KLHL12: variants seen among roughly 807,000 people sequenced by gnomAD.
KLHL12 encodes kelch like family member 12.
A neutral mutation model predicts 60.8 loss-of-function variants in KLHL12; 17 were observed. The observed-to-expected ratio is 0.28, with a 90% confidence interval of 0.19 to 0.42. The LOEUF is 0.42. Ranked by LOEUF, KLHL12 falls within the 10% of genes least tolerant of loss-of-function variation. The pLI, the probability that KLHL12 is intolerant of heterozygous loss-of-function variation, is 1.00. For missense variants in KLHL12, 468 were observed against 722.3 expected, an observed-to-expected ratio of 0.65 and a Z score of 4.04; for synonymous variants, 220 against 250.9, an observed-to-expected ratio of 0.88 and a Z score of 1.16.
intron 6 of KLHL12, among the ~76,000 whole-genome samples, chr1:202,897,977 A>T (rs1659893113): frequency 6.6e-6 from 1 of 152,226 alleles, no homozygotes; most frequent in Non-Finnish European, 1.5e-5. Flanking sequence ...TAGAGTTTTA[A>T]AGGAAAAGTC....
At chr1:202,907,409 C>T (rs1424012567) in intron 6 of KLHL12, among the ~76,000 whole-genome samples, 1 of 150,952 alleles carries the variant, frequency 6.6e-6, no homozygotes, top group Non-Finnish European at 1.5e-5. Context: ...AGAGACCAGC[C>T]TGGTCAACAT....
At chr1:202,917,881 G>A (rs1051902647) in intron 4 of KLHL12, among the ~76,000 whole-genome samples, 2 of 152,188 alleles carry the variant, frequency 1.3e-5, no homozygotes, top group African/African-American at 4.8e-5. Flanking sequence ...GAGTGAACGG[G>A]TAATAGAGAA....
chr1:202,895,660 C>T lies in KLHL12; in HGVS notation c.997G>A (p.Val333Ile), dbSNP rs755872768. The T allele has an allele frequency of 2.2e-5, 35 of 1,613,998 alleles. No individual in the cohort carries two copies. The highest frequency in any genetic ancestry group is 2.6e-5 in the Non-Finnish European group (31 of 1,180,014). ...GAACGGCCATCATAGCCACCAATGA[C>T]GTAGATCCGGTCATGAAGGGACACT... The part of the protein sequence containing the change: ...ASVSLHDRIY[V>I]IGGYDGRSRL... The change falls in exon 8 of 12, where the codon GTC (valine) becomes ATC (isoleucine). Residue 333 changes from valine (V) to isoleucine (I), a missense_variant. Transcript: ENST00000367261. This position sits in a 1 kb window ranked among gnomAD's most constrained non-coding sequence, Gnocchi z 4.2.
At position 202,927,127 on chromosome 1, in the gene KLHL12, C is replaced by T. The variant is rs1352909311; in HGVS notation, c.-84G>A. 7 of 985,422 alleles carry T rather than the reference C, an allele frequency of 7.1e-6. No homozygotes were observed. In the Admixed American group the frequency reaches 4.3e-4, roughly 61 times the overall value. 61.0% of individuals were successfully genotyped at this position (985,422 alleles called of 1,614,324 possible). On this transcript the variant is annotated 5_prime_UTR_variant, in exon 1 of 12. Transcript: ENST00000367261. ...CCCACACAGCCGCACCGGGCCCGTCCCCAGCCTGTGGGGATGGAGTGCGGC... is the reference window on the plus strand; with the variant it reads ...CCCACACAGCCGCACCGGGCCCGTCTCCAGCCTGTGGGGATGGAGTGCGGC...
rs185432602 is a variant in KLHL12, at chr1:202,907,182, G to A, written c.832+1828C>T. Among the ~76,000 whole-genome samples the A allele has an allele frequency of 2.4e-3, 363 of 152,198 alleles. 1 individual carries two copies. The highest frequency in any genetic ancestry group is 8.4e-3 in the African/African-American group (349 of 41,538). ...ACCATCTACAATGCCCTATCTAAAA[G>A]TTCTCTTTTTAAAAAAATGCAGTAT... On this transcript the variant is annotated intron_variant, in intron 6 of 11. Transcript: ENST00000367261.
At chr1:202,926,104 CAAAAA>C (rs368473168) in intron 1 of KLHL12, among the ~76,000 whole-genome samples, 1 of 59,528 alleles carries the variant, frequency 1.7e-5, no homozygotes. Context: ...GACTCTGTCT[CAAAAA>C]AAAAAAAAAA....
intron 6 of KLHL12, among the ~76,000 whole-genome samples, chr1:202,908,177 A>G (rs1557992685): frequency 6.6e-6 from 1 of 152,352 alleles, no homozygotes; most frequent in Middle Eastern, 3.4e-3. Flanking sequence ...AGTGTGTGCC[A>G]GCTATAGTGT....
chr1:202,912,692 C>T (rs1660403269), intron 4 of KLHL12: 6 of 1,318,378 alleles, frequency 4.6e-6, no homozygotes, highest in Non-Finnish European at 6.5e-6. Flanking sequence ...ATGGTGGTTT[C>T]AGTAGCAGCA....
intron 2 of KLHL12, among the ~76,000 whole-genome samples, chr1:202,923,077 TG>T (rs1371933629): frequency 2.0e-5 from 3 of 152,226 alleles, no homozygotes; most frequent in Non-Finnish European, 4.4e-5. Flanking sequence ...TCCAGGTCTC[TG>T]GACTCTCTCC....
Position 202,927,167 on chromosome 1 carries a change from CGG to C in KLHL12, c.-126_-125del. On this transcript the variant is annotated 5_prime_UTR_variant, in exon 1 of 12. Transcript: ENST00000367261. ...TGGAGTGCGGCGCGGGGCTAGCAGG[CGG>C]CTCGGGAGGAGCCGAAGCGCCGCCC... 1.0e-6 allele frequency: 1 copy of C among 985,324 alleles called. No homozygotes were observed. The highest frequency in any genetic ancestry group is 1.2e-6 in the Non-Finnish European group (1 of 829,938). 61.0% of individuals were successfully genotyped at this position (985,324 alleles called of 1,614,324 possible). A position where few individuals can be genotyped will look rare whatever the true frequency, so the allele number is the denominator to read the frequency against.
chr1:202,926,362 T>C (rs1430083048), intron 1 of KLHL12, among the ~76,000 whole-genome samples: 2 of 152,166 alleles, frequency 1.3e-5, no homozygotes, highest in South Asian at 2.1e-4. Context: ...CAATTAATCT[T>C]TCAACAGGAA....
chr1:202,919,680 T>G, intron 3 of KLHL12, 75 bp downstream of exon 3: 1 of 1,384,418 alleles, frequency 7.2e-7, no homozygotes, highest in Non-Finnish European at 9.8e-7. Context: ...TGTTCATGAT[T>G]AAGTTTACAC....
In KLHL12 at chr1:202,894,677, A is replaced by C; in HGVS notation, c.1208T>G (p.Ile403Ser). ...ATCTCCCAGCATGCTCCACTGGTCA[A>C]TGTTTGGATCATAGCGCTCCATACT... ...HTSMERYDPN[I>S]DQWSMLGDMQ... Residue 403 changes from isoleucine to serine, a missense_variant, in exon 9 of 12, where the codon ATT becomes AGT. By Grantham distance (142) the Ile-to-Ser change is moderately radical (BLOSUM62 -2). Around this residue, in one of 4 missense-constraint regions of KLHL12, gnomAD observed 339 missense variants for 525.0 expected, o/e 0.65. Transcript: ENST00000367261. 1 of 1,614,144 alleles carries C rather than the reference A, an allele frequency of 6.2e-7. No homozygotes were observed.
At position 202,895,359 on chromosome 1, in the gene KLHL12, A is replaced by G. The variant is rs1659800322; in HGVS notation, c.1135+163T>C. 6.6e-6 allele frequency among the ~76,000 whole-genome samples: 1 copy of G among 152,076 alleles called. No individual in the cohort carries two copies. Among genetic ancestry groups the G allele is most frequent in the African/African-American group, 2.4e-5 (1 of 41,386 alleles). On this transcript the variant is annotated intron_variant, in intron 8 of 11. Coordinates refer to ENST00000367261, the MANE Select transcript of KLHL12 (RefSeq NM_021633.4). The surrounding 1 kb of genome is among the most constrained non-coding windows in gnomAD (Gnocchi z 4.2). ...CAGTGAGCCGTGATCACACCACTGC[A>G]CTCCAGCCTGGGCAACAGAGAGAGA...
At chr1:202,920,534 G>A (rs1276141679) in intron 2 of KLHL12, among the ~76,000 whole-genome samples, 1 of 151,320 alleles carries the variant, frequency 6.6e-6, no homozygotes, top group Non-Finnish European at 1.5e-5. Flanking sequence ...CCGCCACCAC[G>A]CCCGGCTAAT....
In KLHL12 at chr1:202,893,558, C is replaced by CCAT; in HGVS notation, c.1394-134_1394-133insATG. 3.1e-6 allele frequency: 2 copies of CCAT among 643,342 alleles called. No individual in the cohort carries two copies. Among genetic ancestry groups the CCAT allele is most frequent in the Non-Finnish European group, 5.3e-6 (2 of 376,722 alleles). The allele number at this position is 643,342 out of a possible 1,614,324, so 39.9% of individuals were successfully genotyped here. The stretch of plus-strand genomic sequence containing the variant: ...GGATATGGAATGGGCCCACACGGGC[C>CCAT]TAGAATAATCTAGTCCAGCACAAGT... On this transcript the variant is annotated intron_variant, in intron 10 of 11. Transcript: ENST00000367261. The surrounding 1 kb of genome is among the most constrained non-coding windows in gnomAD (Gnocchi z 4.1).
In KLHL12 at chr1:202,919,906, G is replaced by A. The variant is rs776170141; in HGVS notation, c.198C>T (p.Leu66=). Residue 66 remains leucine, a splice_region_variant and synonymous_variant, in exon 3 of 12, where the codon CTC becomes CTT. Coordinates refer to ENST00000367261, the MANE Select transcript of KLHL12 (RefSeq NM_021633.4). ...CAACATAAGGTTTCCCCTTCTCTGA[G>A]AGCTGAAAATTCAAAAGGTATAAAA... The part of the protein sequence containing the change: ...DYFCAMFTSE[L]SEKGKPYVDI... The A allele has an allele frequency of 3.7e-6, 6 of 1,612,426 alleles. No individual in the cohort carries two copies. In the Admixed American group the frequency reaches 5.0e-5, roughly 14 times the overall value.
In KLHL12 at chr1:202,894,760, T is replaced by G. The variant is rs1659780459; in HGVS notation, c.1136-11A>C. 6.2e-7 allele frequency: 1 copy of G among 1,609,582 alleles called. No individual in the cohort carries two copies. ...AGACATAGATCATATCTGCTCAGAA[T>G]AAACAAATTACAGACTATTAGAGAA... On this transcript the variant is annotated splice_polypyrimidine_tract_variant and intron_variant, in intron 8 of 11. Transcript: ENST00000367261.
At chr1:202,925,613 A>T (rs1653505122) in intron 1 of KLHL12, among the ~76,000 whole-genome samples, 1 of 152,212 alleles carries the variant, frequency 6.6e-6, no homozygotes, top group Non-Finnish European at 1.5e-5. Context: ...GCATACATAA[A>T]AAGAGGATCC....
Sources: allele counts gnomAD v4.1 joint callset (sites outside exome capture counted in the v4.1 genomes callset), GRCh38; gene constraint gnomAD v4.1.1; regional missense constraint gnomAD v4.1.1; non-coding constraint Gnocchi (gnomAD v3.1); transcripts MANE v1.5; gene names NCBI Gene and HGNC (gene_info 2026-07-23, HGNC 2026-07-21).